The following NNT variants were observed in gnomAD, a reference collection of about 807,000 sequenced individuals.
NNT encodes the protein NAD(P) transhydrogenase, mitochondrial.
Under a neutral mutation model 104.8 loss-of-function variants are expected in NNT, and 50 were observed. That is an observed-to-expected ratio of 0.48 (90% confidence interval 0.38 to 0.60). The LOEUF (loss-of-function observed/expected upper bound fraction) is 0.60, where lower values mean the gene tolerates loss of function less well. NNT is among the 20% of genes least tolerant of loss of function. NNT has a pLI of 0.00. For missense variants in NNT, 1,131 were observed against 1,330.7 expected, an observed-to-expected ratio of 0.85 and a Z score of 2.33; for synonymous variants, 461 against 490.4, an observed-to-expected ratio of 0.94 and a Z score of 0.79.
At position 43,706,721 on chromosome 5, in the gene NNT, C is replaced by G. The variant is rs1404062264; in HGVS notation, c.*2317C>G. 2 of 152,110 alleles carry G rather than the reference C, an allele frequency of 1.3e-5. No homozygotes were observed. The highest frequency in any genetic ancestry group is 2.9e-5 in the Non-Finnish European group (2 of 68,024). 9.4% of individuals were successfully genotyped at this position (152,110 alleles called of 1,614,324 possible). On this transcript the variant is annotated 3_prime_UTR_variant, in exon 22 of 22. Transcript: ENST00000344920. ...CAATAGCAAAGACTTGGAACCAACC[C>G]AAATGTCCATCAATGATAGACTTGA...
chr5:43,632,935 G>C (rs1422446948), intron 7 of NNT, among the ~76,000 whole-genome samples: 1 of 152,156 alleles, frequency 6.6e-6, no homozygotes, highest in Middle Eastern at 3.2e-3. Context: ...GGGGAGTATG[G>C]TGTGGGGTGA....
chr5:43,650,644 T>C, intron 12 of NNT, 57 bp downstream of exon 12: 1 of 1,263,254 alleles, frequency 7.9e-7, no homozygotes, highest in Non-Finnish European at 1.2e-6. Context: ...ACAAAGCAAA[T>C]ATAAATCCAT....
At chr5:43,688,768 A>G (rs889781329) in intron 19 of NNT, among the ~76,000 whole-genome samples, 1 of 152,144 alleles carries the variant, frequency 6.6e-6, no homozygotes, top group Admixed American at 6.6e-5. Flanking sequence ...TGGCTGAGAT[A>G]CCACATTTTC....
At position 43,658,651 on chromosome 5, in the gene NNT, G is replaced by A. The variant is rs144872546; in HGVS notation, c.2455-520G>A. Among the ~76,000 whole-genome samples, 72 of 152,254 alleles carry A rather than the reference G, an allele frequency of 4.7e-4. 2 individuals are homozygous for A. In the South Asian group the frequency reaches 0.013, roughly 28 times the overall value. On this transcript the variant is annotated intron_variant, in intron 16 of 21. Transcript: ENST00000344920. ...ATGTGTAGTTCAAGAGTCATCCAGAGATTTGAGTAGAATTTATAAACAGAA... is the reference window on the plus strand; with the variant it reads ...ATGTGTAGTTCAAGAGTCATCCAGAAATTTGAGTAGAATTTATAAACAGAA...
chr5:43,605,900 CT>C (rs1412667682), intron 1 of NNT, among the ~76,000 whole-genome samples: 1 of 152,134 alleles, frequency 6.6e-6, no homozygotes, highest in African/African-American at 2.4e-5. Context: ...TCTGATGCCC[CT>C]GCCAAGGATC....
intron 5 of NNT, among the ~76,000 whole-genome samples, chr5:43,621,958 A>G (rs1750119560): frequency 6.6e-6 from 1 of 152,182 alleles, no homozygotes; most frequent in Non-Finnish European, 1.5e-5. Flanking sequence ...CATGTTGGAA[A>G]GGAAGGTCTA....
chr5:43,703,839 T>TC (rs1404838221), intron 21 of NNT, among the ~76,000 whole-genome samples: 1 of 152,192 alleles, frequency 6.6e-6, no homozygotes, highest in Non-Finnish European at 1.5e-5. Flanking sequence ...AACATTGTTT[T>TC]CCCACTCAAC....
At chr5:43,666,599 G>C (rs1740703836) in intron 17 of NNT, among the ~76,000 whole-genome samples, 1 of 151,954 alleles carries the variant, frequency 6.6e-6, no homozygotes. Flanking sequence ...GGAGGGGGAG[G>C]GGGAGGGAGA....
At chr5:43,604,961 C>A (rs1247710032) in intron 1 of NNT, among the ~76,000 whole-genome samples, 4 of 152,104 alleles carry the variant, frequency 2.6e-5, no homozygotes, top group Admixed American at 6.5e-5. Context: ...CGTGAGCCAC[C>A]ACCCTGGGTG....
Position 43,603,684 on chromosome 5 carries a change from C to T in NNT, c.-54+390C>T, listed in dbSNP as rs574531134. Among the ~76,000 whole-genome samples the T allele has an allele frequency of 2.0e-5, 3 of 152,090 alleles. No homozygotes were observed. In the South Asian group the frequency reaches 6.2e-4, roughly 32 times the overall value. On this transcript the variant is annotated intron_variant, in intron 1 of 21. Transcript: ENST00000344920. ...ACGGGGTCATTTCGGCCCTCAAGAT[C>T]GGGGGTGGTGGAGAGGGAGGTCATA... is the stretch of plus-strand genomic sequence containing the variant.
At chr5:43,602,829 G>A (rs558195513), upstream of NNT, 2 of 152,448 alleles carry the variant, frequency 1.3e-5, no homozygotes, top group East Asian at 3.9e-4. Context: ...CTTTGTAACT[G>A]GTTCTTCAAG....
Position 43,645,529 on chromosome 5 carries a change from A to G in NNT, c.1444+19A>G, listed in dbSNP as rs1739341548. The stretch of plus-strand genomic sequence containing the variant: ...ACAGCAGGTGAGGATACCATTTACC[A>G]GGGTTTAGTCTTGATTGTTTGATTT... On this transcript the variant is annotated intron_variant, in intron 10 of 21. Transcript: ENST00000344920. 1.4e-6 allele frequency: 2 copies of G among 1,469,900 alleles called. No homozygotes were observed. Among genetic ancestry groups the G allele is most frequent in the Non-Finnish European group, 1.8e-6 (2 of 1,108,104 alleles). The allele number at this position is 1,469,900 out of a possible 1,614,324, so 91.1% of individuals were successfully genotyped here.
chr5:43,665,993 C>T (rs183214602), intron 17 of NNT, among the ~76,000 whole-genome samples: 2,596 of 151,768 alleles, frequency 0.017, 71 homozygotes, highest in African/African-American at 0.059. Context: ...ACATCTCAGA[C>T]GGGGCAGCGG....
rs371409962 is a variant in NNT at position 43,704,564 on chromosome 5, C to T, written c.*160C>T. 31 of 586,966 alleles carry T rather than the reference C, an allele frequency of 5.3e-5. No individual in the cohort carries two copies. Among genetic ancestry groups the T allele is most frequent in the East Asian group, 5.1e-4 (15 of 29,330 alleles). 36.4% of individuals were successfully genotyped at this position (586,966 alleles called of 1,614,324 possible). On this transcript the variant is annotated 3_prime_UTR_variant, in exon 22 of 22. Coordinates refer to ENST00000344920, the MANE Select transcript of NNT (RefSeq NM_182977.3). ...GCAAAAACTGTATAGAGAGATTTTT[C>T]AAAAGCAGTAATCCCTCAATTTTAA...
In NNT at chr5:43,656,692, A is replaced by G. The variant is rs1370054532; in HGVS notation, c.2333A>G (p.His778Arg). The change falls in exon 16 of 22, where the codon CAC becomes CGC. Residue 778 changes from histidine to arginine, a missense_variant. Coordinates refer to ENST00000344920, the MANE Select transcript of NNT (RefSeq NM_182977.3). Reference sequence around the variant, plus strand: ...GCCCCTCTCCTACTGCCTGGAAGGCACTTACTCAATGCAGGCTTACTGGCT... The same window carrying G: ...GCCCCTCTCCTACTGCCTGGAAGGCGCTTACTCAATGCAGGCTTACTGGCT... ...KSAPLLLPGR[H>R]LLNAGLLAAS... 1 of 1,613,952 alleles carries G rather than the reference A, an allele frequency of 6.2e-7. No individual in the cohort carries two copies. Among genetic ancestry groups the G allele is most frequent in the Non-Finnish European group, 8.5e-7 (1 of 1,179,988 alleles).
At chr5:43,620,001 C>G (rs561943755) in intron 5 of NNT, among the ~76,000 whole-genome samples, 11 of 152,202 alleles carry the variant, frequency 7.2e-5, no homozygotes, top group African/African-American at 2.6e-4. Flanking sequence ...CTCAGCCCCC[C>G]ACTCCCAGGG....
intron 19 of NNT, 144 bp downstream of exon 19, chr5:43,677,950 C>G: frequency 1.7e-6 from 1 of 592,572 alleles, no homozygotes; most frequent in Non-Finnish European, 3.0e-6. Flanking sequence ...ACTTTTGACT[C>G]TCCAAAAACT....
rs1749218332 is a variant in NNT at position 43,606,197 on chromosome 5, C to T, written c.-54+2903C>T. Among the ~76,000 whole-genome samples the T allele has an allele frequency of 2.0e-5, 3 of 151,998 alleles. No homozygotes were observed. The South Asian group carries it at 6.2e-4, about 32-fold the overall frequency. On this transcript the variant is annotated intron_variant, in intron 1 of 21. Coordinates refer to ENST00000344920, the MANE Select transcript of NNT (RefSeq NM_182977.3). ...ATGAGGTCTGGGAACTCTTTGTCAG[C>T]CCCATAAAAATGGTGGTTGTTGGGG...
chr5:43,612,941 C>G lies in NNT; in HGVS notation c.185C>G (p.Pro62Arg), dbSNP rs1749578761. 1 of 1,613,786 alleles carries G rather than the reference C, an allele frequency of 6.2e-7. No homozygotes were observed. Among genetic ancestry groups the G allele is most frequent in the Non-Finnish European group, 8.5e-7 (1 of 1,179,942 alleles). The change falls in exon 3 of 22, where the codon CCC becomes CGC. Residue 62 changes from proline (P) to arginine (R), a missense_variant. Physicochemically the swap from Pro to Arg is moderately radical, Grantham distance 103. Coordinates refer to ENST00000344920, the MANE Select transcript of NNT (RefSeq NM_182977.3). ...IPYKQLTVGV[P>R]KEIFQNEKRV... Reference sequence around the variant, plus strand: ...TATAAGCAACTGACTGTTGGAGTCCCCAAAGAGATATTCCAAAATGAGAAG... The same window carrying G: ...TATAAGCAACTGACTGTTGGAGTCCGCAAAGAGATATTCCAAAATGAGAAG...
Sources: gnomAD v4.1 joint callset for allele counts (sites outside exome capture counted in the v4.1 genomes callset) on GRCh38, gnomAD v4.1.1 for gene constraint, MANE v1.5 for transcripts, NCBI Gene and HGNC (gene_info 2026-07-23, HGNC 2026-07-21) for gene names.